The following UST variants were observed in gnomAD, a reference collection of about 807,000 sequenced individuals.
UST encodes the protein uronyl 2-sulfotransferase.
UST carries 21 observed loss-of-function variants against 45.6 expected under a neutral mutation model. That is an observed-to-expected ratio of 0.46 (90% CI 0.33 to 0.66). The LOEUF is 0.66. Ranked by LOEUF, UST falls within the 30% of genes least tolerant of loss-of-function variation. The pLI is 0.02. For synonymous variants in UST, 215 were observed against 200.6 expected (o/e 1.07, Z -0.61); for missense variants, 463 against 512.4 (o/e 0.90, Z 0.93).
At chr6:149,051,914 A>G (rs995995435) in intron 7 of UST, among the ~76,000 whole-genome samples, 5 of 152,232 alleles carry the variant, frequency 3.3e-5, no homozygotes, top group African/African-American at 7.2e-5. Flanking sequence ...ATGGAACTCT[A>G]TTAGGGAGGG....
chr6:148,754,154 C>T (rs1286884671), intron 1 of UST, among the ~76,000 whole-genome samples: 1 of 152,042 alleles, frequency 6.6e-6, no homozygotes, highest in Non-Finnish European at 1.5e-5. Flanking sequence ...GCCACCATGC[C>T]TGGCTAATTT....
rs182512767 is a variant in UST, at chr6:148,856,681, C to A, written c.248-30305C>A. Among the ~76,000 whole-genome samples, 7 of 152,212 alleles carry A rather than the reference C, an allele frequency of 4.6e-5. No individual in the cohort carries two copies. The East Asian group carries it at 1.4e-3, about 29-fold the overall frequency. ...GATCTGGGTAAATCACGTGTTTATG[C>A]GTGAGTTATTTGCCTTGGTCAGGAA... On this transcript the variant is annotated intron_variant, in intron 1 of 7. Coordinates refer to ENST00000367463, the MANE Select transcript of UST (RefSeq NM_005715.3).
chr6:148,899,411 T>A (rs563327989), intron 2 of UST, among the ~76,000 whole-genome samples: 1 of 152,338 alleles, frequency 6.6e-6, no homozygotes, highest in East Asian at 1.9e-4. Context: ...CCTAATTCTT[T>A]TCTTATTTTT....
At chr6:148,829,145 GGATGGAT>G (rs1777632945) in intron 1 of UST, among the ~76,000 whole-genome samples, 1 of 32,342 alleles carries the variant, frequency 3.1e-5, no homozygotes, top group East Asian at 1.4e-3. Context: ...GCCCTGGGAT[GGATGGAT>G]GGATGGATGG....
At chr6:148,791,386 C>T (rs75028226) in intron 1 of UST, among the ~76,000 whole-genome samples, 343 of 152,280 alleles carry the variant, frequency 2.3e-3, no homozygotes, top group Non-Finnish European at 4.0e-3. Flanking sequence ...ATGTTTTAGA[C>T]AATCTTCCGT....
intron 5 of UST, among the ~76,000 whole-genome samples, chr6:148,983,686 A>G (rs1781180876): frequency 6.6e-6 from 1 of 152,264 alleles, no homozygotes; most frequent in African/African-American, 2.4e-5. Context: ...TTTGTGAAGT[A>G]CAAGAATGTC....
At chr6:148,977,244 T>TTA (rs1254285903) in intron 5 of UST, among the ~76,000 whole-genome samples, 1 of 151,630 alleles carries the variant, frequency 6.6e-6, no homozygotes, top group East Asian at 1.9e-4. Context: ...TTCTATATAT[T>TTA]TATATATATA....
At chr6:148,840,244 G>A (rs966967264) in intron 1 of UST, among the ~76,000 whole-genome samples, 14 of 152,280 alleles carry the variant, frequency 9.2e-5, no homozygotes, top group Admixed American at 6.5e-4. Context: ...CACTGCTAGA[G>A]ATGCTGCTTC....
chr6:148,781,273 G>GA (rs1361618755), intron 1 of UST, among the ~76,000 whole-genome samples: 6 of 152,186 alleles, frequency 3.9e-5, no homozygotes, highest in Non-Finnish European at 8.8e-5. Context: ...GTGAACACGT[G>GA]AATGGTAAGA....
chr6:148,888,174 T>G (rs149156122), intron 2 of UST, among the ~76,000 whole-genome samples: 11 of 152,110 alleles, frequency 7.2e-5, no homozygotes, highest in Non-Finnish European at 1.5e-5. Flanking sequence ...CAGGCGCATC[T>G]TACGTGGCCA....
chr6:148,750,647 TAA>T (rs1775972289), intron 1 of UST, among the ~76,000 whole-genome samples: 1 of 152,166 alleles, frequency 6.6e-6, no homozygotes. Context: ...CGGGACTGGC[TAA>T]AAACGATCCA....
At chr6:148,891,061 C>T (rs1779009056) in intron 2 of UST, among the ~76,000 whole-genome samples, 1 of 152,128 alleles carries the variant, frequency 6.6e-6, no homozygotes, top group Non-Finnish European at 1.5e-5. Context: ...CTACCCAGTT[C>T]CTTATACTTT....
At chr6:148,939,604 G>A (rs934486599) in intron 2 of UST, among the ~76,000 whole-genome samples, 2 of 152,160 alleles carry the variant, frequency 1.3e-5, no homozygotes, top group African/African-American at 4.8e-5. Flanking sequence ...ACAGCTAAGT[G>A]GGGAAAGAAT....
At chr6:149,069,911 T>C (rs1322738382) in intron 7 of UST, among the ~76,000 whole-genome samples, 1 of 152,262 alleles carries the variant, frequency 6.6e-6, no homozygotes. Flanking sequence ...AAGGTATTTA[T>C]ATGATTACAC....
At chr6:148,933,557 G>A (rs188890230) in intron 2 of UST, among the ~76,000 whole-genome samples, 223 of 152,268 alleles carry the variant, frequency 1.5e-3, no homozygotes, top group African/African-American at 5.2e-3. Flanking sequence ...TGAGAGTTGT[G>A]GATGGAAAGA....
At chr6:148,807,971 G>T (rs750923501) in intron 1 of UST, among the ~76,000 whole-genome samples, 7 of 152,186 alleles carry the variant, frequency 4.6e-5, no homozygotes, top group Non-Finnish European at 1.0e-4. Flanking sequence ...TGAACTTTGA[G>T]CCCTGGTCAA....
At position 148,886,941 on chromosome 6, in the gene UST, G is replaced by A. The variant is rs111601092; in HGVS notation, c.248-45G>A. ...CAATAACTTTGCACTAAATTCATTT[G>A]GGATTTAAAAAACGGATTCATCAAC... On this transcript the variant is annotated intron_variant, in intron 1 of 7. Coordinates refer to ENST00000367463, the MANE Select transcript of UST (RefSeq NM_005715.3). 3.0e-5 allele frequency: 45 copies of A among 1,524,164 alleles called. 1 individual carries two copies. Among genetic ancestry groups the A allele is most frequent in the African/African-American group, 2.9e-4 (21 of 73,092 alleles). The allele number at this position is 1,524,164 out of a possible 1,614,324, so 94.4% of individuals were successfully genotyped here.
rs529355259 is a variant in UST at position 148,776,807 on chromosome 6, A to G, written c.247+29130A>G. Among the ~76,000 whole-genome samples the G allele has an allele frequency of 3.3e-5, 5 of 152,296 alleles. No homozygotes were observed. In the East Asian group the frequency reaches 7.7e-4, roughly 23 times the overall value. Reference sequence around the variant, plus strand: ...AATCTCGTAAGACATTGTTTCTGGAATCTGGCTGTGATACAGTCATCTCCT... The same window carrying G: ...AATCTCGTAAGACATTGTTTCTGGAGTCTGGCTGTGATACAGTCATCTCCT... On this transcript the variant is annotated intron_variant, in intron 1 of 7. Transcript: ENST00000367463.
intron 5 of UST, among the ~76,000 whole-genome samples, chr6:148,974,393 C>T (rs1201987193): frequency 1.3e-5 from 2 of 152,006 alleles, no homozygotes; most frequent in Non-Finnish European, 2.9e-5. Context: ...GGTTTATAGT[C>T]ATTGAGATTT....
Sources: gnomAD v4.1 joint callset for allele counts (sites outside exome capture counted in the v4.1 genomes callset) on GRCh38, gnomAD v4.1.1 for gene constraint, MANE v1.5 for transcripts, NCBI Gene and HGNC (gene_info 2026-07-23, HGNC 2026-07-21) for gene names.